CASP5: variants seen among roughly 807,000 people sequenced by gnomAD.
The protein encoded by CASP5 is caspase-5.
A neutral mutation model predicts 45.2 loss-of-function variants in CASP5; 42 were observed. That is an observed-to-expected ratio of 0.93 (90% CI 0.73 to 1.20). The LOEUF is 1.20. CASP5 is among the 50% of genes most tolerant of loss of function. CASP5 has a pLI of 0.00. For synonymous variants in CASP5, 209 were observed against 186.2 expected, an observed-to-expected ratio of 1.12 and a Z score of -1.00; for missense variants, 512 against 532.2, an observed-to-expected ratio of 0.96 and a Z score of 0.37.
At chr11:105,000,168 G>T in intron 6 of CASP5, 93 bp downstream of exon 6, 1 of 1,270,216 alleles carries the variant, frequency 7.9e-7, no homozygotes, top group Non-Finnish European at 1.1e-6. Context: ...GCACTGGATG[G>T]GGTCTAACAT....
At chr11:105,009,770 C>CCT (rs1491178677) in intron 1 of CASP5, among the ~76,000 whole-genome samples, 2 of 42,964 alleles carry the variant, frequency 4.7e-5, no homozygotes, top group South Asian at 5.9e-4. Flanking sequence ...CACACACACA[C>CCT]GTATATATAT....
Position 105,016,165 on chromosome 11 carries a change from C to T in CASP5, c.7+6965G>A, listed in dbSNP as rs553578697. The stretch of plus-strand genomic sequence containing the variant: ...CTAATGATGCTAACCTGCAGAAGAA[C>T]CTGTGCCAGGCTAGCTTCATAAGAA... On this transcript the variant is annotated intron_variant, in intron 1 of 9. Transcript: ENST00000260315. Among the ~76,000 whole-genome samples the T allele has an allele frequency of 5.9e-5, 9 of 152,252 alleles. No homozygotes were observed. In the South Asian group the frequency reaches 1.7e-3, roughly 28 times the overall value.
At chr11:105,004,987 A>T (rs1270126567) in intron 3 of CASP5, among the ~76,000 whole-genome samples, 1 of 152,168 alleles carries the variant, frequency 6.6e-6, no homozygotes, top group Non-Finnish European at 1.5e-5. Flanking sequence ...CAGTAAAATT[A>T]GAAATTAGAC....
intron 1 of CASP5, among the ~76,000 whole-genome samples, chr11:105,009,738 T>C (rs1265399797): frequency 7.4e-4 from 47 of 63,926 alleles, no homozygotes; most frequent in African/African-American, 4.3e-3. Context: ...TATATATATA[T>C]ATATATATAT....
At position 105,000,383 on chromosome 11, in the gene CASP5, G is replaced by T; in HGVS notation, c.830C>A (p.Ala277Glu). 6 of 1,614,118 alleles carry T rather than the reference G, an allele frequency of 3.7e-6. No homozygotes were observed. The highest frequency in any genetic ancestry group is 5.1e-6 in the Non-Finnish European group (6 of 1,180,008). Residue 277 changes from alanine to glutamate, a missense_variant, in exon 6 of 10, where the codon GCG (alanine) becomes GAG (glutamate). Ala to Glu is a moderately radical substitution (Grantham distance 107). Coordinates refer to ENST00000260315, the MANE Select transcript of CASP5 (RefSeq NM_004347.5). ...CACATCCGGTTTTTTCTTTTTATGC[G>T]CAGTTCCGCAGATTCCCTCTAGGAT... ...HGILEGICGT[A>E]HKKKKPDVLL...
rs1029208759 is a variant in CASP5, at chr11:105,007,186, G to C, written c.330C>G (p.Asp110Glu). ...KKKYYDTKIE[D>E]KALILVDSLR... is the part of the protein sequence containing the mutation. ...AAGAGTCTACCAAGATCAGGGCCTT[G>C]TCTTCAATTTTGGTATCATAATATT... The change falls in exon 3 of 10, where the codon GAC becomes GAG. Residue 110 changes from aspartate to glutamate, a missense_variant. Transcript: ENST00000260315. The C allele has an allele frequency of 6.2e-7, 1 of 1,613,684 alleles. No individual in the cohort carries two copies. Among genetic ancestry groups the C allele is most frequent in the Non-Finnish European group, 8.5e-7 (1 of 1,179,794 alleles).
At chr11:105,009,752 TATATATACACACAC>T (rs1862195570) in intron 1 of CASP5, among the ~76,000 whole-genome samples, 1 of 80,636 alleles carries the variant, frequency 1.2e-5, no homozygotes, top group African/African-American at 4.5e-5. Context: ...TATATATATA[TATATATACACACAC>T]ACACGTATAT....
At chr11:105,000,583 T>C in intron 5 of CASP5, 88 bp from the exon 6 acceptor site, 1 of 1,201,252 alleles carries the variant, frequency 8.3e-7, no homozygotes, top group Admixed American at 1.9e-5. Flanking sequence ...ACAAGAAACA[T>C]ATGTAACATC....
chr11:105,006,477 TA>T (rs1274615205), intron 3 of CASP5, among the ~76,000 whole-genome samples: 1 of 152,232 alleles, frequency 6.6e-6, no homozygotes, highest in African/African-American at 2.4e-5. Flanking sequence ...GGAAAAGGGT[TA>T]AAAGTGGAGC....
intron 4 of CASP5, 42 bp downstream of exon 4, chr11:105,003,232 T>C: frequency 8.3e-7 from 1 of 1,198,828 alleles, no homozygotes; most frequent in Non-Finnish European, 1.2e-6. Flanking sequence ...TGAAAGCAAT[T>C]GTTTCTCTCT....
chr11:105,019,596 A>G (rs2134766063), intron 1 of CASP5, among the ~76,000 whole-genome samples: 1 of 150,290 alleles, frequency 6.7e-6, no homozygotes, highest in East Asian at 1.9e-4. Context: ...CTCTCCCAAG[A>G]CTAAACCAGG....
In CASP5 at chr11:105,017,699, CG is replaced by C. The variant is rs1422771642; in HGVS notation, c.7+5430del. 1.6e-4 allele frequency among the ~76,000 whole-genome samples: 24 copies of C among 150,850 alleles called. No homozygotes were observed. In the Admixed American group the frequency reaches 1.6e-3, roughly 10 times the overall value. ...GTCTGATTGGTGTACCTGAAAGTGA[CG>C]GGGAGAATGGAACCAAGTTGGAAAA... On this transcript the variant is annotated intron_variant, in intron 1 of 9. Transcript: ENST00000260315.
chr11:105,021,436 C>G (rs1193244078), intron 1 of CASP5, among the ~76,000 whole-genome samples: 1 of 149,610 alleles, frequency 6.7e-6, no homozygotes, highest in Non-Finnish European at 1.5e-5. Context: ...TATCCAGAAT[C>G]TACAATGAAC....
intron 5 of CASP5, 94 bp downstream of exon 5, chr11:105,001,934 T>G (rs1447961205): frequency 2.8e-5 from 36 of 1,270,302 alleles, no homozygotes; most frequent in Non-Finnish European, 3.5e-5. Flanking sequence ...ACCCAGAGGT[T>G]GTTAAACCTT....
rs1362625025 is a variant in CASP5, at chr11:105,009,131, G to A, written c.8-151C>T. 1.3e-5 allele frequency: 9 copies of A among 677,356 alleles called. No individual in the cohort carries two copies. The Admixed American group carries it at 2.6e-4, about 20-fold the overall frequency. 42.0% of individuals were successfully genotyped at this position (677,356 alleles called of 1,614,324 possible). ...AAATACTCATTATTTCTTTGTACCT[G>A]TAGCATTCTCTCACCCATCAAATTC... On this transcript the variant is annotated intron_variant, in intron 1 of 9. Transcript: ENST00000260315.
chr11:105,014,791 GAT>G (rs1862507613), intron 1 of CASP5, among the ~76,000 whole-genome samples: 1 of 152,142 alleles, frequency 6.6e-6, no homozygotes, highest in Admixed American at 6.5e-5. Context: ...CAAGTGGAAA[GAT>G]AGATATGCAA....
At position 105,007,112 on chromosome 11, in the gene CASP5, T is replaced by C. The variant is rs763233862; in HGVS notation, c.404A>G (p.Asn135Ser). ...AHQMFTQTLL[N>S]MDQKITSVKP... ...TACACTGGTGATCTTTTGGTCCATATTGAGAAGTGTTTGGGTAAACATTTG... is the reference window on the plus strand; with the variant it reads ...TACACTGGTGATCTTTTGGTCCATACTGAGAAGTGTTTGGGTAAACATTTG... The change falls in exon 3 of 10, where the codon AAT becomes AGT. Residue 135 changes from asparagine (N) to serine (S), a missense_variant. Coordinates refer to ENST00000260315, the MANE Select transcript of CASP5 (RefSeq NM_004347.5). 6.8e-6 allele frequency: 11 copies of C among 1,613,538 alleles called. No homozygotes were observed. Among genetic ancestry groups the C allele is most frequent in the South Asian group, 6.6e-5 (6 of 91,008 alleles).
In CASP5 at chr11:105,002,097, G is replaced by A. The variant is rs761357639; in HGVS notation, c.648C>T (p.Ile216=). The A allele has an allele frequency of 5.0e-6, 8 of 1,613,984 alleles. No individual in the cohort carries two copies. The highest frequency in any genetic ancestry group is 2.5e-6 in the Non-Finnish European group (3 of 1,180,018). ...LPARNGAHYD[I]VGMKRLLQGL... ...CTTGAAGCAGCCTTTTCATCCCCAC[G>A]ATGTCATAGTGAGCCCCATTCCTTG... Residue 216 remains isoleucine (I), a synonymous_variant, in exon 5 of 10, where the codon ATC becomes ATT. Transcript: ENST00000260315.
intron 6 of CASP5, 30 bp from the exon 7 acceptor site, chr11:104,999,058 T>A (rs748136753): frequency 7.1e-6 from 11 of 1,553,300 alleles, no homozygotes; most frequent in African/African-American, 2.8e-5. Context: ...CTTTTTTTTT[T>A]ATGTTACTTT....
Sources: allele counts gnomAD v4.1 joint callset (sites outside exome capture counted in the v4.1 genomes callset), GRCh38; gene constraint gnomAD v4.1.1; transcripts MANE v1.5; gene names NCBI Gene and HGNC (gene_info 2026-07-23, HGNC 2026-07-21).